RAPH1: variants seen among roughly 807,000 people sequenced by gnomAD.
RAPH1 encodes Ras association (RalGDS/AF-6) and pleckstrin homology domains 1.
Under a neutral mutation model 88.1 loss-of-function variants are expected in RAPH1, and 18 were observed. The ratio of observed to expected loss-of-function variants is 0.20; its 90% CI spans 0.14 to 0.30. RAPH1 has a LOEUF of 0.30. RAPH1 is among the 10% of genes least tolerant of loss of function. The probability of loss-of-function intolerance (pLI) is 1.00; values close to 1 mark genes in which losing one functional copy is unlikely to be tolerated. For missense variants in RAPH1, 1,448 were observed against 1,543.2 expected (o/e 0.94, Z 1.03); for synonymous variants, 587 against 559.0 (o/e 1.05, Z -0.71).
intron 1 of RAPH1, among the ~76,000 whole-genome samples, chr2:203,506,241 AAGAT>A (rs1581379273): frequency 6.6e-6 from 1 of 152,194 alleles, no homozygotes; most frequent in African/African-American, 2.4e-5. Context: ...AACAGACAAA[AAGAT>A]GGGCAGAAAT....
chr2:203,524,671 A>G (rs1690036336), intron 1 of RAPH1, among the ~76,000 whole-genome samples: 1 of 152,212 alleles, frequency 6.6e-6, no homozygotes, highest in African/African-American at 2.4e-5. Context: ...AAAATTCTAG[A>G]AAATGCAAAC....
intron 13 of RAPH1, chr2:203,441,782 G>A (rs1333170093): frequency 7.8e-7 from 1 of 1,283,038 alleles, no homozygotes; most frequent in Non-Finnish European, 9.8e-7. Context: ...GGTCCTCTGA[G>A]CACTGGACTT....
intron 4 of RAPH1, among the ~76,000 whole-genome samples, chr2:203,465,519 G>A (rs1034296920): frequency 3.3e-5 from 5 of 152,214 alleles, no homozygotes; most frequent in Admixed American, 6.5e-5. Context: ...GAGGATTTAA[G>A]GGCTGTGAAA....
Position 203,440,422 on chromosome 2 carries a change from C to G in RAPH1, c.2768G>C (p.Ser923Thr). ...GGGTGGAGGAGGAAACACCAGGCTGCTTTCAGGAGGGGGAGGAGGGAAGTC... is the reference window on the plus strand; with the variant it reads ...GGGTGGAGGAGGAAACACCAGGCTGGTTTCAGGAGGGGGAGGAGGGAAGTC... ...SPDFPPPPPE[S>T]SLVFPPPPPS... Residue 923 changes from serine (S) to threonine (T), a missense_variant, in exon 14 of 14, where the codon AGC (serine) becomes ACC (threonine). By Grantham distance (58) the Ser-to-Thr change is moderately conservative. Transcript: ENST00000319170. 2 of 1,550,298 alleles carry G rather than the reference C, an allele frequency of 1.3e-6. No homozygotes were observed. Among genetic ancestry groups the G allele is most frequent in the Non-Finnish European group, 1.7e-6 (2 of 1,149,156 alleles).
At chr2:203,441,766 T>C in intron 13 of RAPH1, 2 of 1,281,356 alleles carry the variant, frequency 1.6e-6, no homozygotes, top group East Asian at 3.4e-5. Flanking sequence ...TGGAACCCTC[T>C]GTGGCGGTCC....
intron 1 of RAPH1, among the ~76,000 whole-genome samples, chr2:203,502,117 T>G (rs1369978251): frequency 6.6e-6 from 1 of 152,218 alleles, no homozygotes; most frequent in African/African-American, 2.4e-5. Context: ...ATTCAGAAGC[T>G]TCATAGAAGC....
At chr2:203,522,859 G>A (rs566523355) in intron 1 of RAPH1, among the ~76,000 whole-genome samples, 1 of 133,876 alleles carries the variant, frequency 7.5e-6, no homozygotes, top group East Asian at 2.2e-4. Context: ...TCACGTTACT[G>A]CACTCTAGCC....
At chr2:203,483,026 T>C (rs890004996) in intron 4 of RAPH1, among the ~76,000 whole-genome samples, 5 of 152,108 alleles carry the variant, frequency 3.3e-5, no homozygotes, top group African/African-American at 1.2e-4. Flanking sequence ...CTCTGGCTAC[T>C]GGCTGAGAAC....
chr2:203,448,024 G>C lies in RAPH1; in HGVS notation c.1568C>G (p.Ala523Gly). ...GCTGGATAAGGAAGTCCAATCATAG[G>C]CTGACTCTGTCCTCTTCAAGGCTTC... is the stretch of plus-strand genomic sequence containing the variant. The part of the protein sequence containing the change: ...YQEALKRTES[A>G]YDWTSLSSSS... The change falls in exon 12 of 14, where the codon GCC becomes GGC. Residue 523 changes from alanine to glycine, a missense_variant. Ala to Gly is a moderately conservative substitution (Grantham distance 60, BLOSUM62 0). Coordinates refer to ENST00000319170, the MANE Select transcript of RAPH1 (RefSeq NM_213589.3). The surrounding 1 kb of genome is among the most constrained non-coding windows in gnomAD (Gnocchi z 4.1). 1 of 1,613,670 alleles carries C rather than the reference G, an allele frequency of 6.2e-7. No individual in the cohort carries two copies. The highest frequency in any genetic ancestry group is 8.5e-7 in the Non-Finnish European group (1 of 1,179,676).
intron 4 of RAPH1, among the ~76,000 whole-genome samples, chr2:203,472,839 C>A (rs2098534336): frequency 6.6e-6 from 1 of 152,114 alleles, no homozygotes; most frequent in Admixed American, 6.5e-5. Context: ...CTCAAGACTT[C>A]AAGTCATCAA....
At chr2:203,472,048 G>C (rs1240949084) in intron 4 of RAPH1, among the ~76,000 whole-genome samples, 1 of 152,036 alleles carries the variant, frequency 6.6e-6, no homozygotes, top group Non-Finnish European at 1.5e-5. Context: ...GCACAGCCAA[G>C]GAGGAGGGAG....
rs535805199 is a variant in RAPH1 at position 203,529,211 on chromosome 2, C to T, written c.-1+5900G>A. On this transcript the variant is annotated intron_variant, in intron 1 of 13. Coordinates refer to ENST00000319170, the MANE Select transcript of RAPH1 (RefSeq NM_213589.3). ...AGGCTGGTCCCAAACTGGGCTCAAGCGATCCACCTGCCTCAGCCTCCCAAA... is the reference window on the plus strand; with the variant it reads ...AGGCTGGTCCCAAACTGGGCTCAAGTGATCCACCTGCCTCAGCCTCCCAAA... 4.6e-5 allele frequency among the ~76,000 whole-genome samples: 7 copies of T among 151,310 alleles called. No individual in the cohort carries two copies. In the East Asian group the frequency reaches 5.8e-4, roughly 13 times the overall value.
In RAPH1 at chr2:203,439,052, ATAAATACCTTC is replaced by A. The variant is rs2098500749; in HGVS notation, c.*374_*384del. 5.4e-6 allele frequency: 1 copy of A among 186,694 alleles called. No homozygotes were observed. 11.6% of individuals were successfully genotyped at this position (186,694 alleles called of 1,614,324 possible). ...ATAGGCTACACATGGACAGACACTT[ATAAATACCTTC>A]TAAATAAGTGATTAGAAGTTTTTGG... On this transcript the variant is annotated 3_prime_UTR_variant, in exon 14 of 14. Coordinates refer to ENST00000319170, the MANE Select transcript of RAPH1 (RefSeq NM_213589.3).
At position 203,437,193 on chromosome 2, in the gene RAPH1, T is replaced by C. The variant is rs1467092364; in HGVS notation, c.*2244A>G. 1.3e-5 allele frequency: 2 copies of C among 152,226 alleles called. No homozygotes were observed. Among genetic ancestry groups the C allele is most frequent in the African/African-American group, 4.8e-5 (2 of 41,466 alleles). The allele number at this position is 152,226 out of a possible 1,614,324, so 9.4% of individuals were successfully genotyped here. Reference sequence around the variant, plus strand: ...CCTGCACTGAAAACATAAAGGCTGTTGTTTTAGGGCTCAAATCATGGGTGA... The same window carrying C: ...CCTGCACTGAAAACATAAAGGCTGTCGTTTTAGGGCTCAAATCATGGGTGA... On this transcript the variant is annotated 3_prime_UTR_variant, in exon 14 of 14. Transcript: ENST00000319170.
rs148032411 is a variant in RAPH1 at position 203,496,480 on chromosome 2, T to G, written c.1-1127A>C. Among the ~76,000 whole-genome samples the G allele has an allele frequency of 4.8e-3, 724 of 152,308 alleles. 10 individuals are homozygous for G. Among genetic ancestry groups the G allele is most frequent in the South Asian group, 3.9e-3 (19 of 4,828 alleles). On this transcript the variant is annotated intron_variant, in intron 1 of 13. Coordinates refer to ENST00000319170, the MANE Select transcript of RAPH1 (RefSeq NM_213589.3). ...CAATGACTGATTAATCTGATAAATA[T>G]AAATATTTCAATATTAAAGGCCCTG...
chr2:203,439,421 T>TA lies in RAPH1; in HGVS notation c.*15dup, dbSNP rs1351538263. The TA allele has an allele frequency of 3.1e-6, 5 of 1,605,472 alleles. No individual in the cohort carries two copies. The highest frequency in any genetic ancestry group is 4.3e-6 in the Non-Finnish European group (5 of 1,173,724). The stretch of plus-strand genomic sequence containing the variant: ...GCAGTGATTACAGATATCATGAAAA[T>TA]AAAGTCCTATGGTGGCTACCAGTCT... On this transcript the variant is annotated 3_prime_UTR_variant, in exon 14 of 14. Coordinates refer to ENST00000319170, the MANE Select transcript of RAPH1 (RefSeq NM_213589.3).
chr2:203,482,405 G>T (rs1010126138), intron 4 of RAPH1, among the ~76,000 whole-genome samples: 1 of 152,066 alleles, frequency 6.6e-6, no homozygotes, highest in Admixed American at 6.6e-5. Flanking sequence ...AGGATGGTCT[G>T]ATACTCATGA....
chr2:203,516,858 C>T (rs1689634040), intron 1 of RAPH1, among the ~76,000 whole-genome samples: 2 of 152,096 alleles, frequency 1.3e-5, no homozygotes, highest in African/African-American at 4.8e-5. Context: ...ACGGTGACAC[C>T]CCGTCTCTAC....
At position 203,512,134 on chromosome 2, in the gene RAPH1, G is replaced by C. The variant is rs530514609; in HGVS notation, c.1-16781C>G. On this transcript the variant is annotated intron_variant, in intron 1 of 13. Transcript: ENST00000319170. ...TCCAAAAAAAACAAAAAAGAATTAA[G>C]CAGAATATGGGCCAGGGGTGGTGGT... Among the ~76,000 whole-genome samples, 5 of 150,418 alleles carry C rather than the reference G, an allele frequency of 3.3e-5. No individual in the cohort carries two copies. In the East Asian group the frequency reaches 9.8e-4, roughly 30 times the overall value.
Sources: allele counts gnomAD v4.1 joint callset (sites outside exome capture counted in the v4.1 genomes callset), GRCh38; gene constraint gnomAD v4.1.1; non-coding constraint Gnocchi (gnomAD v3.1); transcripts MANE v1.5; gene names NCBI Gene and HGNC (gene_info 2026-07-23, HGNC 2026-07-21).